The following DPP6 variants were observed in gnomAD, a reference collection of about 807,000 sequenced individuals.
The protein encoded by DPP6 is A-type potassium channel modulatory protein DPP6.
Under a neutral mutation model 122.6 loss-of-function variants are expected in DPP6, and 69 were observed. That is an observed-to-expected ratio of 0.56 (90% CI 0.46 to 0.69). The LOEUF is 0.69. Ranked by LOEUF, DPP6 falls within the 30% of genes least tolerant of loss-of-function variation. The pLI, the probability that DPP6 is intolerant of heterozygous loss-of-function variation, is 0.00. For missense variants in DPP6, 928 were observed against 1,116.9 expected (o/e 0.83, Z 2.41); for synonymous variants, 418 against 433.1 (o/e 0.97, Z 0.43).
chr7:154,591,996 A>G (rs1832831904), intron 5 of DPP6, among the ~76,000 whole-genome samples: 1 of 152,222 alleles, frequency 6.6e-6, no homozygotes, highest in Admixed American at 6.5e-5. Context: ...AGGGGCGGCT[A>G]CTGCAGTGGT....
intron 1 of DPP6, among the ~76,000 whole-genome samples, chr7:154,207,927 C>G (rs1334154602): frequency 6.6e-6 from 1 of 151,206 alleles, no homozygotes; most frequent in African/African-American, 2.4e-5. Flanking sequence ...TGCACTCCAG[C>G]CTGGGCAACA....
chr7:154,047,055 T>G (rs915090500), intron 1 of DPP6, among the ~76,000 whole-genome samples: 151 of 148,354 alleles, frequency 1.0e-3, no homozygotes, highest in African/African-American at 3.7e-3. Flanking sequence ...TTTATCCATT[T>G]TGGTTTTGCT....
At chr7:154,181,815 T>C (rs959096434) in intron 1 of DPP6, among the ~76,000 whole-genome samples, 3 of 149,828 alleles carry the variant, frequency 2.0e-5, no homozygotes, top group African/African-American at 7.4e-5. Context: ...AGTGGTGCAA[T>C]CTTGGCTCAC....
chr7:154,679,017 A>G (rs1424948872), intron 7 of DPP6, among the ~76,000 whole-genome samples: 2 of 152,244 alleles, frequency 1.3e-5, no homozygotes, highest in Non-Finnish European at 2.9e-5. Flanking sequence ...AAGGAAAATA[A>G]GCATTTCATC....
At chr7:154,742,226 T>C (rs1466857896) in intron 8 of DPP6, among the ~76,000 whole-genome samples, 1 of 152,190 alleles carries the variant, frequency 6.6e-6, no homozygotes, top group Non-Finnish European at 1.5e-5. Context: ...CCTTCCATTA[T>C]TCGAGTGGGA....
At chr7:154,775,294 G>C (rs2030790) in intron 10 of DPP6, among the ~76,000 whole-genome samples, 22,197 of 152,120 alleles carry the variant, frequency 0.15, 1,790 homozygotes, top group East Asian at 0.23. Context: ...GTGGACAGTT[G>C]TGAAAGTTAG....
At chr7:154,332,678 T>C (rs1235987352) in intron 1 of DPP6, among the ~76,000 whole-genome samples, 1 of 152,232 alleles carries the variant, frequency 6.6e-6, no homozygotes, top group Non-Finnish European at 1.5e-5. Flanking sequence ...AGGACAGTTG[T>C]TTGTTCATGG....
the DPP6 span, among the ~76,000 whole-genome samples, chr7:153,776,322 C>T: frequency 8.5e-5 from 13 of 152,178 alleles, no homozygotes; most frequent in East Asian, 5.8e-4. Context: ...ATCATGGGGG[C>T]GGTCACTTCC....
chr7:154,380,436 A>T lies in DPP6; in HGVS notation c.244-65778A>T, dbSNP rs115986873. ...AAATGCTAACATTGGCGACATCTAC[A>T]TGAAGTGCAGACAGGTGTTCATTGT... On this transcript the variant is annotated intron_variant, in intron 1 of 25. Coordinates refer to ENST00000377770, the MANE Select transcript of DPP6 (RefSeq NM_130797.4). 3.8e-3 allele frequency among the ~76,000 whole-genome samples: 572 copies of T among 152,348 alleles called. 4 individuals are homozygous for T. The highest frequency in any genetic ancestry group is 0.013 in the African/African-American group (554 of 41,584).
intron 1 of DPP6, among the ~76,000 whole-genome samples, chr7:154,385,006 G>A (rs1291900855): frequency 1.3e-5 from 2 of 151,932 alleles, no homozygotes; most frequent in Admixed American, 6.6e-5. Flanking sequence ...AGGGAGTCTC[G>A]CTCTGTCGCC....
At chr7:154,009,610 C>G (rs1056313181) in intron 1 of DPP6, among the ~76,000 whole-genome samples, 4 of 152,122 alleles carry the variant, frequency 2.6e-5, no homozygotes, top group African/African-American at 9.7e-5. Flanking sequence ...GTGTCCCTGC[C>G]ATGGCTCACA....
intron 1 of DPP6, among the ~76,000 whole-genome samples, chr7:154,180,575 TA>T (rs1798033550): frequency 4.0e-5 from 6 of 148,546 alleles, no homozygotes; most frequent in Admixed American, 3.4e-4. Context: ...TATATATATA[TA>T]TTCGAGTTTA....
chr7:153,972,243 G>A (rs924589202), intron 1 of DPP6, among the ~76,000 whole-genome samples: 15 of 150,232 alleles, frequency 1.0e-4, no homozygotes, highest in South Asian at 4.3e-4. Flanking sequence ...CCTAGGTAGC[G>A]CATGAGGCTG....
intron 1 of DPP6, among the ~76,000 whole-genome samples, chr7:154,315,290 C>T (rs1363492141): frequency 6.6e-6 from 1 of 152,178 alleles, no homozygotes; most frequent in African/African-American, 2.4e-5. Flanking sequence ...ATCACCTGTA[C>T]ACATTGGGGG....
At position 154,332,507 on chromosome 7, in the gene DPP6, G is replaced by A. The variant is rs181254747; in HGVS notation, c.244-113707G>A. Among the ~76,000 whole-genome samples the A allele has an allele frequency of 1.1e-3, 173 of 152,340 alleles. 1 individual carries two copies. Among genetic ancestry groups the A allele is most frequent in the African/African-American group, 4.1e-3 (169 of 41,580 alleles). ...CTCCCAGGCCATGCAGTTGATGTTG[G>A]TCCATGGATGACCCTCTGGGTAGCA... On this transcript the variant is annotated intron_variant, in intron 1 of 25. Transcript: ENST00000377770.
intron 1 of DPP6, among the ~76,000 whole-genome samples, chr7:154,327,518 A>G (rs1191087115): frequency 2.0e-5 from 3 of 152,234 alleles, no homozygotes; most frequent in Non-Finnish European, 2.9e-5. Flanking sequence ...TTTGATATCT[A>G]TATCAATCTC....
chr7:154,033,640 A>G (rs1405917784), intron 1 of DPP6, among the ~76,000 whole-genome samples: 2 of 152,212 alleles, frequency 1.3e-5, no homozygotes, highest in African/African-American at 4.8e-5. Context: ...TCTTTGATGC[A>G]GTGATATTTC....
chr7:153,899,327 CAGG>C (rs1437188276), intron 1 of DPP6, among the ~76,000 whole-genome samples: 4 of 152,094 alleles, frequency 2.6e-5, no homozygotes, highest in African/African-American at 9.7e-5. Flanking sequence ...GCCCAGCTCC[CAGG>C]ACAGTTTGGT....
chr7:154,211,117 T>C (rs1799717781), intron 1 of DPP6, among the ~76,000 whole-genome samples: 1 of 152,188 alleles, frequency 6.6e-6, no homozygotes, highest in African/African-American at 2.4e-5. Flanking sequence ...TGCTTCCTCT[T>C]ACTTGGACCC....
Sources: allele counts gnomAD v4.1 joint callset (sites outside exome capture counted in the v4.1 genomes callset), GRCh38; gene constraint gnomAD v4.1.1; transcripts MANE v1.5; gene names NCBI Gene and HGNC (gene_info 2026-07-23, HGNC 2026-07-21).